The following PCDH15 variants were observed in gnomAD, a reference collection of about 807,000 sequenced individuals.
PCDH15 encodes the protein protocadherin-15.
Under a neutral mutation model 178.5 loss-of-function variants are expected in PCDH15, and 129 were observed. The observed-to-expected ratio is 0.72, with a 90% confidence interval of 0.63 to 0.84. The LOEUF (loss-of-function observed/expected upper bound fraction) is 0.84. Among genes scored for constraint, PCDH15 ranks in the 40% least tolerant of loss-of-function variants. PCDH15 has a pLI of 0.00. For missense variants in PCDH15, 2,230 were observed against 2,099.9 expected, an observed-to-expected ratio of 1.06 and a Z score of -1.21; for synonymous variants, 800 against 732.0, an observed-to-expected ratio of 1.09 and a Z score of -1.50.
chr10:53,868,154 A>G (rs1007577197), intron 26 of PCDH15, among the ~76,000 whole-genome samples: 1 of 152,058 alleles, frequency 6.6e-6, no homozygotes, highest in East Asian at 1.9e-4. Context: ...AGGCTTGATA[A>G]AAGACTATAT....
intron 1 of PCDH15, among the ~76,000 whole-genome samples, chr10:55,207,124 G>A (rs764419985): frequency 2.0e-5 from 3 of 151,882 alleles, no homozygotes; most frequent in Non-Finnish European, 4.4e-5. Flanking sequence ...ATCAGAAGTC[G>A]GGAGTAATTA....
intron 2 of PCDH15, among the ~76,000 whole-genome samples, chr10:55,548,803 C>A (rs1345362010): frequency 6.6e-6 from 1 of 151,792 alleles, no homozygotes; most frequent in Admixed American, 6.6e-5. Context: ...ACTGTGAAGT[C>A]TTTGAATAAG....
chr10:53,969,816 T>A (rs2089479485), intron 21 of PCDH15, among the ~76,000 whole-genome samples: 2 of 152,138 alleles, frequency 1.3e-5, no homozygotes, highest in Non-Finnish European at 2.9e-5. Context: ...GCTGAGATAT[T>A]TTGTCACCAC....
At position 55,180,950 on chromosome 10, in the gene PCDH15, A is replaced by G. The variant is rs554457584; in HGVS notation, c.-155-14299T>C. ...GGGGGAAAACTCAGAGAAAAAAAAC[A>G]TATTTTTTTAATACTAAAAGATATG... On this transcript the variant is annotated intron_variant, in intron 1 of 5. Coordinates refer to the PCDH15 transcript ENST00000458638. 2.9e-4 allele frequency among the ~76,000 whole-genome samples: 44 copies of G among 152,162 alleles called. 1 individual carries two copies. Among genetic ancestry groups the G allele is most frequent in the African/African-American group, 1.0e-3 (42 of 41,562 alleles).
At chr10:53,822,103 G>C in intron 32 of PCDH15, 1 of 1,613,794 alleles carries the variant, frequency 6.2e-7, no homozygotes, top group Non-Finnish European at 8.5e-7. Context: ...TCTCTCTGAG[G>C]GTCTGTTTTA....
chr10:55,057,475 T>G (rs1322190637), intron 2 of PCDH15, among the ~76,000 whole-genome samples: 1 of 152,190 alleles, frequency 6.6e-6, no homozygotes, highest in African/African-American at 2.4e-5. Flanking sequence ...GGAAATTTGT[T>G]TTTACTCAAG....
intron 2 of PCDH15, among the ~76,000 whole-genome samples, chr10:55,150,842 A>G (rs1838689621): frequency 6.6e-6 from 1 of 152,158 alleles, no homozygotes; most frequent in South Asian, 2.1e-4. Flanking sequence ...CACAGCAGGA[A>G]TGGAAAGCCA....
chr10:54,012,333 G>T (rs1027774234), intron 20 of PCDH15, among the ~76,000 whole-genome samples: 6 of 152,136 alleles, frequency 3.9e-5, no homozygotes, highest in African/African-American at 1.4e-4. Flanking sequence ...GTCACTGAGG[G>T]AAATGGGGAA....
chr10:55,480,460 G>T (rs1840156050), intron 2 of PCDH15, among the ~76,000 whole-genome samples: 1 of 151,562 alleles, frequency 6.6e-6, no homozygotes, highest in Non-Finnish European at 1.5e-5. Context: ...GATGTTGGTG[G>T]TGAGTCTATC....
chr10:55,006,372 C>T (rs1564709372), intron 2 of PCDH15, among the ~76,000 whole-genome samples: 1 of 152,010 alleles, frequency 6.6e-6, no homozygotes, highest in African/African-American at 2.4e-5. Context: ...AAATCAACCA[C>T]CAAAATAATA....
chr10:54,887,340 T>C (rs1954377224), intron 3 of PCDH15, among the ~76,000 whole-genome samples: 1 of 152,162 alleles, frequency 6.6e-6, no homozygotes, highest in African/African-American at 2.4e-5. Flanking sequence ...ATTTACATAT[T>C]TATAGTGTTT....
At chr10:54,934,591 G>C (rs7476714) in intron 2 of PCDH15, among the ~76,000 whole-genome samples, 1 of 151,170 alleles carries the variant, frequency 6.6e-6, no homozygotes, top group African/African-American at 2.4e-5. Context: ...AGGTGCTGGA[G>C]AGGATGTGGA....
chr10:55,362,473 T>C (rs1014604068), intron 2 of PCDH15, among the ~76,000 whole-genome samples: 1 of 152,130 alleles, frequency 6.6e-6, no homozygotes, highest in East Asian at 1.9e-4. Flanking sequence ...CCCCTCTAAA[T>C]GTGATCTAGA....
At chr10:54,753,568 G>A (rs7918419) in intron 1 of PCDH15, among the ~76,000 whole-genome samples, 32,121 of 152,034 alleles carry the variant, frequency 0.21, 3,896 homozygotes, top group East Asian at 0.48. Context: ...ATCTTACCAA[G>A]TCATTTCATC....
intron 1 of PCDH15, among the ~76,000 whole-genome samples, chr10:55,226,979 A>G (rs1039756243): frequency 2.6e-5 from 4 of 152,110 alleles, no homozygotes; most frequent in African/African-American, 9.7e-5. Flanking sequence ...TAACAAAAAA[A>G]TTAGAAAAAT....
At chr10:55,375,103 C>A (rs1056688532) in intron 2 of PCDH15, among the ~76,000 whole-genome samples, 1 of 152,222 alleles carries the variant, frequency 6.6e-6, no homozygotes, top group Non-Finnish European at 1.5e-5. Flanking sequence ...TTGGAACAGA[C>A]AAATGACCTC....
At chr10:54,377,397 C>T (rs1948597571) in intron 4 of PCDH15, among the ~76,000 whole-genome samples, 1 of 152,058 alleles carries the variant, frequency 6.6e-6, no homozygotes, top group African/African-American at 2.4e-5. Context: ...AACAGATGGG[C>T]ACTAGGTTAA....
intron 3 of PCDH15, among the ~76,000 whole-genome samples, chr10:54,510,768 T>A (rs2081577652): frequency 6.6e-6 from 1 of 152,178 alleles, no homozygotes; most frequent in Non-Finnish European, 1.5e-5. Flanking sequence ...TTATGAAAAG[T>A]TCTTTCTTAT....
At chr10:55,322,813 A>G (rs1445027475), upstream of PCDH15, among the ~76,000 whole-genome samples, 3 of 147,608 alleles carry the variant, frequency 2.0e-5, no homozygotes, top group African/African-American at 7.5e-5. Context: ...ATGGGGGGGG[A>G]GAAATTCAAG....
Sources: allele counts gnomAD v4.1 joint callset (sites outside exome capture counted in the v4.1 genomes callset), GRCh38; gene constraint gnomAD v4.1.1; transcripts MANE v1.5; gene names NCBI Gene and HGNC (gene_info 2026-07-23, HGNC 2026-07-21).